The following PTPRD variants were observed in gnomAD, a reference collection of about 807,000 sequenced individuals.
PTPRD encodes the protein receptor-type tyrosine-protein phosphatase delta.
Under a neutral mutation model 214.5 loss-of-function variants are expected in PTPRD, and 34 were observed. The ratio of observed to expected loss-of-function variants is 0.16; its 90% CI spans 0.12 to 0.21. The LOEUF (loss-of-function observed/expected upper bound fraction) is 0.21, where lower values mean the gene tolerates loss of function less well. Among genes scored for constraint, PTPRD ranks in the 10% least tolerant of loss-of-function variants. PTPRD has a pLI of 1.00. For synonymous variants in PTPRD, 1,128 were observed against 845.7 expected, an observed-to-expected ratio of 1.33 and a Z score of -5.79; for missense variants, 2,545 against 2,398.7, an observed-to-expected ratio of 1.06 and a Z score of -1.27.
chr9:10,145,591 G>A (rs2099016654), intron 3 of PTPRD, among the ~76,000 whole-genome samples: 1 of 151,974 alleles, frequency 6.6e-6, no homozygotes. Flanking sequence ...TATCAGTAAG[G>A]CTTCTAGTCA....
chr9:9,565,657 TA>T (rs1307468487), intron 8 of PTPRD, among the ~76,000 whole-genome samples: 2 of 152,022 alleles, frequency 1.3e-5, no homozygotes, highest in Non-Finnish European at 2.9e-5. Flanking sequence ...CAGGTACCTT[TA>T]TTTTTTAAAT....
chr9:9,850,370 T>C (rs1020784094), intron 5 of PTPRD, among the ~76,000 whole-genome samples: 1 of 152,008 alleles, frequency 6.6e-6, no homozygotes, highest in African/African-American at 2.4e-5. Context: ...TTGTTATTAT[T>C]AGTAGTATTG....
chr9:9,952,933 G>C (rs891843647), intron 4 of PTPRD, among the ~76,000 whole-genome samples: 1 of 152,078 alleles, frequency 6.6e-6, no homozygotes, highest in African/African-American at 2.4e-5. Flanking sequence ...GATATAATTG[G>C]CAAGTAGAAG....
At chr9:9,620,129 G>T (rs545835522) in intron 7 of PTPRD, among the ~76,000 whole-genome samples, 51 of 152,066 alleles carry the variant, frequency 3.4e-4, no homozygotes, top group African/African-American at 1.1e-3. Flanking sequence ...CCCATGTTTT[G>T]GAATTTCTAA....
intron 7 of PTPRD, among the ~76,000 whole-genome samples, chr9:9,685,420 G>A (rs2097150134): frequency 6.6e-6 from 1 of 151,204 alleles, no homozygotes; most frequent in Admixed American, 6.6e-5. Context: ...ATTTTCAATT[G>A]AGAGTAAAAA....
chr9:9,896,979 C>T (rs553951511), intron 5 of PTPRD, among the ~76,000 whole-genome samples: 3 of 152,000 alleles, frequency 2.0e-5, no homozygotes, highest in Non-Finnish European at 4.4e-5. Context: ...AATCTCTGGA[C>T]TTGCAGAGTT....
At position 8,316,280 on chromosome 9, in the gene PTPRD, G is replaced by T. The variant is rs1343985354; in HGVS notation, c.*1594C>A. The T allele has an allele frequency of 1.7e-5, 4 of 230,550 alleles. No individual in the cohort carries two copies. Among genetic ancestry groups the T allele is most frequent in the African/African-American group, 6.6e-5 (3 of 45,118 alleles). The allele number at this position is 230,550 out of a possible 1,614,324, so 14.3% of individuals were successfully genotyped here. ...TAATAGAAAGTAACAGATACGAACA[G>T]TGAATGGAAATACGAACCAAAAGCT... On this transcript the variant is annotated 3_prime_UTR_variant, in exon 46 of 46. Transcript: ENST00000381196.
At chr9:8,779,347 A>C (rs1016682662) in intron 11 of PTPRD, among the ~76,000 whole-genome samples, 3 of 151,552 alleles carry the variant, frequency 2.0e-5, no homozygotes, top group Non-Finnish European at 4.4e-5. Flanking sequence ...CCTCCTTTAG[A>C]GATGAAAACA....
chr9:8,341,366 A>T, intron 40 of PTPRD, 98 bp from the exon 41 acceptor site: 1 of 1,305,024 alleles, frequency 7.7e-7, no homozygotes, highest in Non-Finnish European at 1.0e-6. Context: ...TTTAGATATA[A>T]ATCTTTTGTT....
intron 7 of PTPRD, among the ~76,000 whole-genome samples, chr9:9,678,319 T>C (rs1030638113): frequency 4.6e-5 from 7 of 151,968 alleles, no homozygotes; most frequent in African/African-American, 1.5e-4. Context: ...CTTCAAACTA[T>C]ACTACAAGGC....
chr9:10,338,362 A>G lies in PTPRD; in HGVS notation c.-545+2601T>C, dbSNP rs537597905. ...AATTTAATGCTCGATTTCTATCCAT[A>G]CCAATATAACTTTCAACTGATAGTC... On this transcript the variant is annotated intron_variant, in intron 3 of 45. Transcript: ENST00000381196. 7.9e-5 allele frequency among the ~76,000 whole-genome samples: 12 copies of G among 151,814 alleles called. No individual in the cohort carries two copies. The East Asian group carries it at 1.4e-3, about 17-fold the overall frequency.
At chr9:9,061,130 A>T (rs1018024898) in intron 10 of PTPRD, among the ~76,000 whole-genome samples, 2 of 152,174 alleles carry the variant, frequency 1.3e-5, no homozygotes, top group African/African-American at 4.8e-5. Flanking sequence ...AGAGGACAAA[A>T]GGGAGACTGT....
At chr9:9,299,878 T>C (rs1795575808) in intron 9 of PTPRD, among the ~76,000 whole-genome samples, 1 of 151,120 alleles carries the variant, frequency 6.6e-6, no homozygotes, top group African/African-American at 2.4e-5. Flanking sequence ...CTGATTAATC[T>C]AACTTGAAAA....
At chr9:9,718,096 T>C (rs933344278) in intron 7 of PTPRD, among the ~76,000 whole-genome samples, 4 of 152,196 alleles carry the variant, frequency 2.6e-5, no homozygotes, top group East Asian at 1.9e-4. Context: ...AAATAGTATA[T>C]ATTTTACAAA....
chr9:8,724,092 C>T (rs772970254), intron 12 of PTPRD, among the ~76,000 whole-genome samples: 5 of 152,126 alleles, frequency 3.3e-5, no homozygotes, highest in Non-Finnish European at 7.4e-5. Context: ...CTGGATTCCA[C>T]ATTTTTAACA....
intron 5 of PTPRD, among the ~76,000 whole-genome samples, chr9:9,903,524 G>C (rs1344486604): frequency 2.0e-5 from 3 of 152,096 alleles, no homozygotes; most frequent in Non-Finnish European, 4.4e-5. Flanking sequence ...AAACAGATTA[G>C]TTCTGTATCA....
intron 35 of PTPRD, among the ~76,000 whole-genome samples, chr9:8,422,331 G>C (rs912375483): frequency 2.0e-5 from 3 of 151,816 alleles, no homozygotes; most frequent in Non-Finnish European, 4.4e-5. Flanking sequence ...TTTATAATTT[G>C]GGTTCTCACA....
chr9:10,167,692 C>A (rs1266931182), intron 3 of PTPRD, among the ~76,000 whole-genome samples: 1 of 152,100 alleles, frequency 6.6e-6, no homozygotes, highest in Non-Finnish European at 1.5e-5. Context: ...TGAGGCTATC[C>A]ATTTTGTTTC....
At chr9:10,285,033 A>C (rs1183673775) in intron 3 of PTPRD, among the ~76,000 whole-genome samples, 2 of 152,174 alleles carry the variant, frequency 1.3e-5, no homozygotes, top group African/African-American at 2.4e-5. Flanking sequence ...ACATTTTATG[A>C]AAGTTATGAA....
Sources: allele counts gnomAD v4.1 joint callset (sites outside exome capture counted in the v4.1 genomes callset), GRCh38; gene constraint gnomAD v4.1.1; transcripts MANE v1.5; gene names NCBI Gene and HGNC (gene_info 2026-07-23, HGNC 2026-07-21).